Variants in AGBL1 observed in about 807,000 individuals in gnomAD.
AGBL1 encodes cytosolic carboxypeptidase 4.
A neutral mutation model predicts 118.9 loss-of-function variants in AGBL1; 130 were observed. The ratio of observed to expected loss-of-function variants is 1.09; its 90% CI spans 0.95 to 1.26. The LOEUF (loss-of-function observed/expected upper bound fraction) is 1.26. AGBL1 is among the 50% of genes most tolerant of loss of function. The probability of loss-of-function intolerance (pLI) is 0.00; values close to 1 mark genes in which losing one functional copy is unlikely to be tolerated. For synonymous variants in AGBL1, 555 were observed against 478.9 expected, an observed-to-expected ratio of 1.16 and a Z score of -2.08; for missense variants, 1,584 against 1,298.1, an observed-to-expected ratio of 1.22 and a Z score of -3.38.
chr15:86,340,251 C>T (rs1291786652), intron 17 of AGBL1, among the ~76,000 whole-genome samples: 1 of 151,642 alleles, frequency 6.6e-6, no homozygotes, highest in Admixed American at 6.6e-5. Context: ...TTATTTAAGC[C>T]TTCTGTTTTA....
At chr15:86,504,323 T>C (rs894682178) in intron 18 of AGBL1, among the ~76,000 whole-genome samples, 3 of 151,496 alleles carry the variant, frequency 2.0e-5, no homozygotes, top group Admixed American at 6.6e-5. Context: ...ATATCTCTTA[T>C]AGCCAGCTTG....
intron 23 of AGBL1, among the ~76,000 whole-genome samples, chr15:86,972,569 G>A (rs561463836): frequency 2.1e-4 from 32 of 152,048 alleles, no homozygotes; most frequent in Admixed American, 9.9e-4. Context: ...TTACTGTCAA[G>A]CCTATCTTTA....
At chr15:86,939,899 G>C (rs1426798331) in intron 23 of AGBL1, 1 of 151,070 alleles carries the variant, frequency 6.6e-6, no homozygotes, top group African/African-American at 2.4e-5. Flanking sequence ...ATATATATAT[G>C]CTTTTTTTTT....
At position 86,266,983 on chromosome 15, in the gene AGBL1, A is replaced by G; in HGVS notation, c.1752-7A>G. 5.1e-6 allele frequency: 8 copies of G among 1,561,224 alleles called. No homozygotes were observed. The highest frequency in any genetic ancestry group is 6.1e-6 in the Non-Finnish European group (7 of 1,150,106). On this transcript the variant is annotated splice_region_variant and splice_polypyrimidine_tract_variant and intron_variant, in intron 12 of 22. Coordinates refer to ENST00000614907, the MANE Select transcript of AGBL1 (RefSeq NM_001386094.1). ...CATATGTTCACATGTTCCTTATTTC[A>G]TTGTAGGCCTTTGCAAGACAATGCT...
chr15:86,940,580 G>A (rs2080737955), intron 23 of AGBL1, among the ~76,000 whole-genome samples: 1 of 152,152 alleles, frequency 6.6e-6, no homozygotes, highest in Non-Finnish European at 1.5e-5. Flanking sequence ...TACAAACTAA[G>A]TGCACACACA....
chr15:86,556,334 T>C lies in AGBL1; in HGVS notation c.2994+1797T>C, dbSNP rs8032183. On this transcript the variant is annotated intron_variant, in intron 21 of 22. Coordinates refer to ENST00000614907, the MANE Select transcript of AGBL1 (RefSeq NM_001386094.1). ...TGAAATTTTCCAAATGGCTTTTGCA[T>C]TGGGTCACTAGAAGGAATAATGGAG... 2.3e-3 allele frequency: 3,439 copies of C among 1,485,396 alleles called. 43 individuals carry two copies. The African/African-American group carries it at 0.031, about 13-fold the overall frequency. The allele number at this position is 1,485,396 out of a possible 1,614,324, so 92.0% of individuals were successfully genotyped here. A position where few individuals can be genotyped will look rare whatever the true frequency, so the allele number is the denominator to read the frequency against.
At chr15:87,013,493 G>C (rs776330314) in intron 24 of AGBL1, among the ~76,000 whole-genome samples, 3 of 151,240 alleles carry the variant, frequency 2.0e-5, no homozygotes, top group Non-Finnish European at 2.9e-5. Flanking sequence ...AACCTCATTA[G>C]AGCAAAATAA....
chr15:86,822,512 G>A (rs138314514), intron 22 of AGBL1, among the ~76,000 whole-genome samples: 39 of 151,636 alleles, frequency 2.6e-4, no homozygotes, highest in African/African-American at 7.5e-4. Context: ...AAGGTGGAAC[G>A]CAGAGCATGG....
intron 17 of AGBL1, among the ~76,000 whole-genome samples, chr15:86,300,379 C>T (rs1188843182): frequency 6.6e-6 from 1 of 152,172 alleles, no homozygotes; most frequent in African/African-American, 2.4e-5. Context: ...GACATCTCTA[C>T]ATTTAGACCC....
intron 1 of AGBL1, among the ~76,000 whole-genome samples, chr15:86,129,831 G>A (rs1231657799): frequency 6.6e-6 from 1 of 152,174 alleles, no homozygotes; most frequent in African/African-American, 2.4e-5. Flanking sequence ...TGAGAAGATA[G>A]TTAACACAGT....
chr15:86,828,927 T>TATA (rs897727869), intron 22 of AGBL1, among the ~76,000 whole-genome samples: 3 of 147,880 alleles, frequency 2.0e-5, no homozygotes, highest in African/African-American at 7.4e-5. Context: ...TATATATATA[T>TATA]ATATATATAT....
Position 86,667,234 on chromosome 15 carries a change from G to GTATCTATCTATCTATCTATCTATC in AGBL1, c.2995-7036_2995-7035insCTATCTATCTATCTATCTATCTAT, listed in dbSNP as rs1323977258. The stretch of plus-strand genomic sequence containing the variant: ...TGTATCTATGTATGTATGTATGTAT[G>GTATCTATCTATCTATCTATCTATC]TATGTATGTATGTATGTATGTATCT... On this transcript the variant is annotated intron_variant, in intron 21 of 22. Coordinates refer to ENST00000614907, the MANE Select transcript of AGBL1 (RefSeq NM_001386094.1). Among the ~76,000 whole-genome samples the GTATCTATCTATCTATCTATCTATC allele has an allele frequency of 1.3e-3, 122 of 97,542 alleles. 1 individual carries two copies. The highest frequency in any genetic ancestry group is 2.8e-3 in the East Asian group (12 of 4,266). The allele number at this position is 97,542 out of a possible 152,430, so 64.0% of individuals were successfully genotyped here.
chr15:86,581,218 A>T (rs1443101057), intron 21 of AGBL1, among the ~76,000 whole-genome samples: 3 of 152,202 alleles, frequency 2.0e-5, no homozygotes, highest in Non-Finnish European at 4.4e-5. Flanking sequence ...TTTTTAGTTC[A>T]ACAATATATA....
intron 18 of AGBL1, among the ~76,000 whole-genome samples, chr15:86,416,667 G>C (rs1039978156): frequency 2.6e-5 from 4 of 152,166 alleles, no homozygotes; most frequent in Non-Finnish European, 5.9e-5. Flanking sequence ...GCCACTGAGA[G>C]ACTCAGCCAT....
chr15:86,782,299 T>G (rs189334770), intron 22 of AGBL1, among the ~76,000 whole-genome samples: 2 of 152,184 alleles, frequency 1.3e-5, no homozygotes, highest in Non-Finnish European at 2.9e-5. Context: ...TTTCCATATA[T>G]AATGTCTGAG....
intron 21 of AGBL1, among the ~76,000 whole-genome samples, chr15:86,661,798 A>G (rs1245969684): frequency 1.3e-5 from 2 of 152,064 alleles, no homozygotes; most frequent in Non-Finnish European, 2.9e-5. Flanking sequence ...GCTCCATACC[A>G]AGTCACTCTC....
chr15:86,659,120 G>T (rs2085502699), intron 21 of AGBL1, among the ~76,000 whole-genome samples: 1 of 151,996 alleles, frequency 6.6e-6, no homozygotes, highest in Non-Finnish European at 1.5e-5. Context: ...TCCTAAAAAG[G>T]GTCATTGAAG....
rs141494746 is a variant in AGBL1 at position 86,947,188 on chromosome 15, G to T, written c.3222-40799G>T. Among the ~76,000 whole-genome samples, 77 of 152,250 alleles carry T rather than the reference G, an allele frequency of 5.1e-4. No homozygotes were observed. The East Asian group carries it at 0.014, about 27-fold the overall frequency. ...AATAATGAATAATGAAAGCTGCCCGGCTCCTGTTGACTAAGTATATGCTTG... is the reference window on the plus strand; with the variant it reads ...AATAATGAATAATGAAAGCTGCCCGTCTCCTGTTGACTAAGTATATGCTTG... On this transcript the variant is annotated intron_variant, in intron 23 of 24. Transcript: ENST00000441037.
intron 9 of AGBL1, among the ~76,000 whole-genome samples, chr15:86,259,963 G>T (rs1415557638): frequency 6.6e-6 from 1 of 152,186 alleles, no homozygotes; most frequent in Admixed American, 6.5e-5. Context: ...GGAGGGGTGG[G>T]GTAGAGAGAA....
Sources: gnomAD v4.1 joint callset for allele counts (sites outside exome capture counted in the v4.1 genomes callset) on GRCh38, gnomAD v4.1.1 for gene constraint, MANE v1.5 for transcripts, NCBI Gene and HGNC (gene_info 2026-07-23, HGNC 2026-07-21) for gene names.